WIPF2: variants seen among roughly 807,000 people sequenced by gnomAD.
WIPF2 encodes the protein WAS/WASL interacting protein family member 2.
A neutral mutation model predicts 38.8 loss-of-function variants in WIPF2; 23 were observed. The observed-to-expected ratio is 0.59, with a 90% CI of 0.43 to 0.84. WIPF2 has a LOEUF of 0.84. Among genes scored for constraint, WIPF2 ranks in the 40% least tolerant of loss-of-function variants. The probability of loss-of-function intolerance (pLI) is 0.00; values close to 1 mark genes in which losing one functional copy is unlikely to be tolerated. For synonymous variants in WIPF2, 210 were observed against 223.2 expected (o/e 0.94, Z 0.53); for missense variants, 574 against 580.5 (o/e 0.99, Z 0.11).
intron 1 of WIPF2, among the ~76,000 whole-genome samples, chr17:40,253,057 C>T (rs754044941): frequency 3.5e-4 from 52 of 150,718 alleles, no homozygotes; most frequent in Admixed American, 6.6e-4. Flanking sequence ...TTAGCCACCG[C>T]GCCTGGACTT....
rs1192827087 is a variant in WIPF2 at position 40,279,092 on chromosome 17, A to G, written c.*867A>G. The G allele has an allele frequency of 6.6e-6, 1 of 152,206 alleles. No individual in the cohort carries two copies. The highest frequency in any genetic ancestry group is 1.5e-5 in the Non-Finnish European group (1 of 68,062). The allele number at this position is 152,206 out of a possible 1,614,324, so 9.4% of individuals were successfully genotyped here. A position where few individuals can be genotyped will look rare whatever the true frequency, so the allele number is the denominator to read the frequency against. The stretch of plus-strand genomic sequence containing the variant: ...GGGCATCATTCATTCCTGATTCACA[A>G]ACCCCAAAAACCTCTGGTGGGAGAT... On this transcript the variant is annotated 3_prime_UTR_variant, in exon 8 of 8. Transcript: ENST00000323571.
At chr17:40,265,312 A>G (rs1207179563) in intron 5 of WIPF2, among the ~76,000 whole-genome samples, 166 bp downstream of exon 5, 1 of 152,240 alleles carries the variant, frequency 6.6e-6, no homozygotes, top group Non-Finnish European at 1.5e-5. Flanking sequence ...AATAGAAAAG[A>G]CAAAAAAATT....
intron 1 of WIPF2, chr17:40,220,618 TGTATATATA>T (rs2030182869): frequency 8.9e-6 from 1 of 112,666 alleles, no homozygotes; most frequent in African/African-American, 3.5e-5. Flanking sequence ...TATATATATA[TGTATATATA>T]TATATTTTTT....
At chr17:40,242,691 T>C (rs1331123307) in intron 1 of WIPF2, among the ~76,000 whole-genome samples, 1 of 152,176 alleles carries the variant, frequency 6.6e-6, no homozygotes, top group Non-Finnish European at 1.5e-5. Context: ...CATGAGCCAC[T>C]GTGCCTGGCC....
intron 1 of WIPF2, among the ~76,000 whole-genome samples, chr17:40,240,115 G>A (rs554584803): frequency 2.6e-5 from 4 of 151,840 alleles, no homozygotes; most frequent in Non-Finnish European, 5.9e-5. Flanking sequence ...GGGCTGGAGT[G>A]CAGTGGTGCA....
Position 40,252,031 on chromosome 17 carries a change from C to T in WIPF2, c.-69-4360C>T, listed in dbSNP as rs73983024. Among the ~76,000 whole-genome samples the T allele has an allele frequency of 2.3e-3, 355 of 152,234 alleles. 2 individuals carry two copies. Among genetic ancestry groups the T allele is most frequent in the African/African-American group, 8.2e-3 (340 of 41,552 alleles). ...ATCCAAAAACAAAGGCTCAAGTGAT[C>T]CTCCCTTCTTGGCCCCCTGAATAGC... is the stretch of plus-strand genomic sequence containing the variant. On this transcript the variant is annotated intron_variant, in intron 1 of 7. Coordinates refer to ENST00000323571, the MANE Select transcript of WIPF2 (RefSeq NM_133264.5).
At chr17:40,262,480 A>G in intron 3 of WIPF2, 45 bp from the exon 4 acceptor site, 1 of 1,482,930 alleles carries the variant, frequency 6.7e-7, no homozygotes, top group Non-Finnish European at 9.4e-7. Context: ...CTTGGTCACC[A>G]GCTGAGAGCA....
chr17:40,225,590 T>A (rs2030446514), intron 1 of WIPF2, among the ~76,000 whole-genome samples: 1 of 152,224 alleles, frequency 6.6e-6, no homozygotes, highest in Admixed American at 6.5e-5. Context: ...AAATACTCTC[T>A]TGTTTTTCAG....
intron 1 of WIPF2, among the ~76,000 whole-genome samples, chr17:40,250,217 ATGTTTTTT>A (rs1349831554): frequency 2.5e-5 from 2 of 80,274 alleles, no homozygotes; most frequent in African/African-American, 9.9e-5. Flanking sequence ...GAATTTTATC[ATGTTTTTT>A]TTTTTTTTTT....
At chr17:40,230,080 G>A (rs910805885) in intron 1 of WIPF2, among the ~76,000 whole-genome samples, 1 of 152,216 alleles carries the variant, frequency 6.6e-6, no homozygotes, top group African/African-American at 2.4e-5. Flanking sequence ...GCTCATGCCT[G>A]TAATACCAAC....
At chr17:40,248,276 CACTTCAGCCTCCCAAATAGCTGGGA>C (rs1472267987) in intron 1 of WIPF2, among the ~76,000 whole-genome samples, 2 of 147,818 alleles carry the variant, frequency 1.4e-5, no homozygotes, top group South Asian at 4.2e-4. Context: ...GTGATTCTCG[CACTTCAGCCTCCCAAATAGCTGGGA>C]TTATAAGCAC....
In WIPF2 at chr17:40,219,486, C is replaced by CG. The variant is rs1168813779; in HGVS notation, c.-74dup. The CG allele has an allele frequency of 5.8e-6, 1 of 171,756 alleles. No individual in the cohort carries two copies. The highest frequency in any genetic ancestry group is 1.2e-5 in the Non-Finnish European group (1 of 82,542). 10.6% of individuals were successfully genotyped at this position (171,756 alleles called of 1,614,324 possible). On this transcript the variant is annotated 5_prime_UTR_variant, in exon 1 of 8. Transcript: ENST00000323571. ...AGAGGATTCGCTCCCAGAGCAGCTG[C>CG]GGCCAGGTCGGAAAGAGGCCGGGGC... is the stretch of plus-strand genomic sequence containing the variant.
intron 1 of WIPF2, among the ~76,000 whole-genome samples, chr17:40,247,311 G>A (rs1442626514): frequency 2.9e-5 from 4 of 135,726 alleles, no homozygotes; most frequent in African/African-American, 1.1e-4. Context: ...TCCAGCTCCC[G>A]GGTTCAAGCG....
chr17:40,274,566 A>G (rs1387807950), intron 6 of WIPF2, among the ~76,000 whole-genome samples: 3 of 145,500 alleles, frequency 2.1e-5, no homozygotes, highest in South Asian at 2.3e-4. Context: ...TGAAAAAAAA[A>G]AAAAAAAAAA....
chr17:40,274,957 C>T (rs1048650118), intron 6 of WIPF2, among the ~76,000 whole-genome samples: 54 of 137,476 alleles, frequency 3.9e-4, no homozygotes, highest in African/African-American at 1.4e-3. Context: ...AAAAAAAAGT[C>T]GGCTGGGTGC....
chr17:40,254,668 C>A (rs531630725), intron 1 of WIPF2, among the ~76,000 whole-genome samples: 2 of 151,994 alleles, frequency 1.3e-5, no homozygotes, highest in East Asian at 3.9e-4. Flanking sequence ...TGTTGGTAAA[C>A]TGTGGCCCAT....
chr17:40,277,041 C>T lies in WIPF2; in HGVS notation c.1181-42C>T, dbSNP rs541424554. ...AAGCGATCAGAGGCCTGTGGGAGCA[C>T]AAGCAAGGATGATAGGAATTAATGT... is the stretch of plus-strand genomic sequence containing the variant. On this transcript the variant is annotated intron_variant, in intron 6 of 7. Transcript: ENST00000323571. The T allele has an allele frequency of 7.1e-6, 11 of 1,547,180 alleles. No homozygotes were observed. In the South Asian group the frequency reaches 1.2e-4, roughly 16 times the overall value.
At chr17:40,230,041 A>G (rs2030674499) in intron 1 of WIPF2, among the ~76,000 whole-genome samples, 1 of 152,182 alleles carries the variant, frequency 6.6e-6, no homozygotes, top group African/African-American at 2.4e-5. Context: ...GAGCTGTCCT[A>G]AAAAATGGGT....
intron 1 of WIPF2, among the ~76,000 whole-genome samples, chr17:40,240,778 A>G (rs2031162027): frequency 6.6e-6 from 1 of 151,754 alleles, no homozygotes; most frequent in Non-Finnish European, 1.5e-5. Context: ...CCCCGTCTCT[A>G]CTAAAAATAC....
Sources: allele counts gnomAD v4.1 joint callset (sites outside exome capture counted in the v4.1 genomes callset), GRCh38; gene constraint gnomAD v4.1.1; transcripts MANE v1.5; gene names NCBI Gene and HGNC (gene_info 2026-07-23, HGNC 2026-07-21).